The following ERH variants were observed in gnomAD, a reference collection of about 807,000 sequenced individuals.
ERH encodes enhancer of rudimentary homolog.
A neutral mutation model predicts 16.8 loss-of-function variants in ERH; 1 was observed. The observed-to-expected ratio is 0.06, with a 90% CI of 0.02 to 0.28. ERH has a LOEUF of 0.28. ERH is among the 10% of genes least tolerant of loss of function. The probability of loss-of-function intolerance (pLI) is 1.00; values close to 1 mark genes in which losing one functional copy is unlikely to be tolerated. For synonymous variants in ERH, 43 were observed against 43.6 expected (o/e 0.99, Z 0.05); for missense variants, 42 against 127.5 (o/e 0.33, Z 3.23).
intron 2 of ERH, among the ~76,000 whole-genome samples, chr14:69,393,872 T>C (rs1247366388): frequency 6.6e-6 from 1 of 152,056 alleles, no homozygotes; most frequent in Non-Finnish European, 1.5e-5. Flanking sequence ...AACCAAAAAA[T>C]TAGCCAGGTG....
At chr14:69,393,387 T>C (rs1465397054) in intron 2 of ERH, among the ~76,000 whole-genome samples, 3 of 152,088 alleles carry the variant, frequency 2.0e-5, no homozygotes, top group Non-Finnish European at 2.9e-5. Context: ...AGCAAAGTCA[T>C]GGAATCAACT....
intron 2 of ERH, among the ~76,000 whole-genome samples, chr14:69,388,485 C>G (rs545177439): frequency 3.9e-5 from 6 of 152,134 alleles, no homozygotes; most frequent in African/African-American, 1.4e-4. Context: ...CTCAGCCCCC[C>G]AAGTAGCTGG....
At chr14:69,398,059 G>C (rs1022122658) in intron 1 of ERH, 172 bp downstream of exon 1, 285 of 841,420 alleles carry the variant, frequency 3.4e-4, no homozygotes, top group Non-Finnish European at 4.7e-4. Flanking sequence ...CCGAGGCCTA[G>C]AGTCAGGCCT....
intron 2 of ERH, among the ~76,000 whole-genome samples, chr14:69,389,261 AGGT>A (rs2045910293): frequency 1.3e-5 from 2 of 152,264 alleles, no homozygotes; most frequent in East Asian, 3.9e-4. Context: ...TCTTGACCTC[AGGT>A]GATCCACCCG....
At chr14:69,393,382 A>G (rs1293250854) in intron 2 of ERH, among the ~76,000 whole-genome samples, 1 of 152,206 alleles carries the variant, frequency 6.6e-6, no homozygotes, top group Non-Finnish European at 1.5e-5. Context: ...ACAACAGCAA[A>G]GTCATGGAAT....
At chr14:69,394,967 T>A (rs2140234629) in intron 1 of ERH, 55 bp from the exon 2 acceptor site, 1 of 1,281,858 alleles carries the variant, frequency 7.8e-7, no homozygotes. Context: ...ATTCATAGTA[T>A]GATAAAAAAA....
intron 1 of ERH, 81 bp downstream of exon 1, chr14:69,398,150 G>C: frequency 1.3e-6 from 2 of 1,540,988 alleles, no homozygotes; most frequent in Non-Finnish European, 1.8e-6. Context: ...TGGGGCTCGT[G>C]GGGAGGGGAA....
At chr14:69,393,151 T>C (rs1484349286) in intron 2 of ERH, among the ~76,000 whole-genome samples, 2 of 152,120 alleles carry the variant, frequency 1.3e-5, no homozygotes, top group Admixed American at 1.3e-4. Context: ...ACCCTGTCTT[T>C]ACTAAAAATA....
intron 1 of ERH, among the ~76,000 whole-genome samples, 194 bp from the exon 2 acceptor site, chr14:69,395,106 G>A (rs2140234704): frequency 6.6e-6 from 1 of 152,260 alleles, no homozygotes; most frequent in South Asian, 2.1e-4. Context: ...CTTGAGGCCA[G>A]AAGCTTGAGA....
intron 2 of ERH, among the ~76,000 whole-genome samples, chr14:69,392,618 C>T (rs1305895367): frequency 6.6e-6 from 1 of 152,088 alleles, no homozygotes; most frequent in Non-Finnish European, 1.5e-5. Flanking sequence ...CATGACACTG[C>T]GCATTTGGGA....
Position 69,380,521 on chromosome 14 carries a change from CA to C in ERH, c.*16del. 27 of 1,367,686 alleles carry C rather than the reference CA, an allele frequency of 2.0e-5. No individual in the cohort carries two copies. The highest frequency in any genetic ancestry group is 2.8e-5 in the Non-Finnish European group (27 of 956,134). 84.7% of individuals were successfully genotyped at this position (1,367,686 alleles called of 1,614,324 possible). ...TGTTCCAAGCCCACCCCAACCCCCC[CA>C]GTGCTTCCAACACAATTATTTCCCA... is the stretch of plus-strand genomic sequence containing the variant. On this transcript the variant is annotated 3_prime_UTR_variant, in exon 4 of 4. Transcript: ENST00000557016.
rs2045851904 is a variant in ERH at position 69,380,156 on chromosome 14, A to G, written c.*382T>C. 1 of 161,490 alleles carries G rather than the reference A, an allele frequency of 6.2e-6. No homozygotes were observed. The allele number at this position is 161,490 out of a possible 1,614,324, so 10.0% of individuals were successfully genotyped here. ...AACTAAAGGACATTTATTTATTTTT[A>G]CCAAGACTTTATCTTGAGGACATGG... On this transcript the variant is annotated 3_prime_UTR_variant, in exon 4 of 4. Transcript: ENST00000557016.
chr14:69,383,137 A>T (rs930914137), intron 3 of ERH, among the ~76,000 whole-genome samples: 15 of 152,254 alleles, frequency 9.9e-5, no homozygotes, highest in Admixed American at 6.5e-4. Context: ...CATTATTTTC[A>T]TCTTACAAAA....
rs1882404146 is a variant in ERH at position 69,398,000 on chromosome 14, C to G, written c.3+231G>C. Reference sequence around the variant, plus strand: ...GTTCATCCTCAGGCCCAAGGCACGCCGGACCCGAGCGAGCAGGCGGGCGCG... The same window carrying G: ...GTTCATCCTCAGGCCCAAGGCACGCGGGACCCGAGCGAGCAGGCGGGCGCG... On this transcript the variant is annotated intron_variant, in intron 1 of 3. Coordinates refer to ENST00000557016, the MANE Select transcript of ERH (RefSeq NM_004450.3). 3 of 609,346 alleles carry G rather than the reference C, an allele frequency of 4.9e-6. No homozygotes were observed. In the South Asian group the frequency reaches 5.8e-5, roughly 12 times the overall value. 37.7% of individuals were successfully genotyped at this position (609,346 alleles called of 1,614,324 possible). A position where few individuals can be genotyped will look rare whatever the true frequency, so the allele number is the denominator to read the frequency against.
chr14:69,386,841 C>A, intron 3 of ERH, 122 bp downstream of exon 3: 2 of 821,348 alleles, frequency 2.4e-6, no homozygotes, highest in Non-Finnish European at 1.9e-6. Context: ...AATTACTATA[C>A]ACTATGCAAA....
chr14:69,397,908 ACT>A (rs528486871), intron 1 of ERH: 4 of 508,908 alleles, frequency 7.9e-6, no homozygotes, highest in Non-Finnish European at 3.5e-6. Flanking sequence ...ATAGAGTGAG[ACT>A]CTCTATCTCA....
intron 2 of ERH, among the ~76,000 whole-genome samples, chr14:69,389,787 C>T (rs1447516606): frequency 6.6e-6 from 1 of 152,066 alleles, no homozygotes. Context: ...TTTTCTTTCC[C>T]TTGAGACACA....
chr14:69,386,932 C>T (rs1555404337), intron 3 of ERH, 31 bp downstream of exon 3: 1 of 1,606,776 alleles, frequency 6.2e-7, no homozygotes, highest in Non-Finnish European at 8.5e-7. Context: ...ATAGAAAATA[C>T]AAGATAAAAG....
Position 69,380,286 on chromosome 14 carries a change from C to T in ERH, c.*252G>A, listed in dbSNP as rs2045852925. 5.6e-6 allele frequency: 2 copies of T among 354,316 alleles called. No individual in the cohort carries two copies. Among genetic ancestry groups the T allele is most frequent in the African/African-American group, 2.2e-5 (1 of 45,398 alleles). 21.9% of individuals were successfully genotyped at this position (354,316 alleles called of 1,614,324 possible). A position where few individuals can be genotyped will look rare whatever the true frequency, so the allele number is the denominator to read the frequency against. On this transcript the variant is annotated 3_prime_UTR_variant, in exon 4 of 4. Coordinates refer to ENST00000557016, the MANE Select transcript of ERH (RefSeq NM_004450.3). ...AAGGACTGGAACCAACATTAAGTGACGAAGAACAACTTCCATCTAAATCAT... is the reference window on the plus strand; with the variant it reads ...AAGGACTGGAACCAACATTAAGTGATGAAGAACAACTTCCATCTAAATCAT...
Sources: allele counts gnomAD v4.1 joint callset (sites outside exome capture counted in the v4.1 genomes callset), GRCh38; gene constraint gnomAD v4.1.1; transcripts MANE v1.5; gene names NCBI Gene and HGNC (gene_info 2026-07-23, HGNC 2026-07-21).